TEC: variants seen among roughly 807,000 people sequenced by gnomAD.
TEC encodes tec protein tyrosine kinase.
In TEC, 72 loss-of-function variants were observed where a neutral mutation model predicts 93.0. That is an observed-to-expected ratio of 0.77 (90% confidence interval 0.64 to 0.94). TEC has a LOEUF of 0.94. Among genes scored for constraint, TEC ranks in the 40% least tolerant of loss-of-function variants. TEC has a pLI of 0.00. For missense variants in TEC, 630 were observed against 757.9 expected (o/e 0.83, Z 1.98); for synonymous variants, 249 against 247.7 (o/e 1.01, Z -0.05).
intron 1 of TEC, among the ~76,000 whole-genome samples, chr4:48,267,839 G>A (rs1724679666): frequency 6.6e-6 from 1 of 152,188 alleles, no homozygotes; most frequent in Non-Finnish European, 1.5e-5. Context: ...GGAGGGGTGG[G>A]GTGGAAGCTA....
At chr4:48,252,773 T>C (rs1477464177) in intron 1 of TEC, among the ~76,000 whole-genome samples, 1 of 152,224 alleles carries the variant, frequency 6.6e-6, no homozygotes, top group Admixed American at 6.5e-5. Flanking sequence ...TGTGGGATGA[T>C]AACATGTGCT....
At chr4:48,267,510 T>C (rs769154050) in intron 1 of TEC, among the ~76,000 whole-genome samples, 16 of 152,236 alleles carry the variant, frequency 1.1e-4, no homozygotes, top group Non-Finnish European at 1.9e-4. Flanking sequence ...TCGTACAGGA[T>C]AATTTTACAA....
At chr4:48,210,063 A>G (rs951073699) in intron 2 of TEC, among the ~76,000 whole-genome samples, 65 of 152,196 alleles carry the variant, frequency 4.3e-4, no homozygotes, top group Non-Finnish European at 1.3e-4. Flanking sequence ...ATAAAACTAA[A>G]ATGCAAAATC....
chr4:48,152,413 G>T (rs868579592), intron 9 of TEC, among the ~76,000 whole-genome samples: 2 of 151,718 alleles, frequency 1.3e-5, no homozygotes, highest in Admixed American at 1.3e-4. Flanking sequence ...ACTCCAGCCT[G>T]GGAGACAGAG....
intron 14 of TEC, chr4:48,141,636 G>C (rs1577692753): frequency 2.0e-6 from 1 of 489,286 alleles, no homozygotes; most frequent in East Asian, 3.3e-5. Context: ...TTTGCAATAA[G>C]GCATTATTAC....
At chr4:48,235,200 G>GA (rs1287726224) in intron 1 of TEC, among the ~76,000 whole-genome samples, 1 of 152,112 alleles carries the variant, frequency 6.6e-6, no homozygotes, top group South Asian at 2.1e-4. Context: ...TTTCAGGGGG[G>GA]AAAATGGTCT....
In TEC at chr4:48,222,352, T is replaced by G. The variant is rs1160153227; in HGVS notation, c.138+6125A>C. On this transcript the variant is annotated intron_variant, in intron 2 of 17. Transcript: ENST00000381501. ...TTTTAACTTGATCCTAGAGAAGCTA[T>G]GCATTTTGCAGATGAAAGATGAAGA... Among the ~76,000 whole-genome samples, 33 of 152,224 alleles carry G rather than the reference T, an allele frequency of 2.2e-4. 1 individual carries two copies. The highest frequency in any genetic ancestry group is 2.0e-3 in the Admixed American group (31 of 15,284).
intron 4 of TEC, 145 bp downstream of exon 4, chr4:48,171,223 A>C: frequency 1.5e-6 from 1 of 662,918 alleles, no homozygotes; most frequent in Non-Finnish European, 2.5e-6. Context: ...TATAACTTAC[A>C]ACAACAGCAT....
chr4:48,168,705 G>C lies in TEC; in HGVS notation c.455-79C>G, dbSNP rs1397240353. ...AAAAATAAGATATGGGTAGTTTTAAGGAAAAGTGGAAGTTAACACATAGAC... is the reference window on the plus strand; with the variant it reads ...AAAAATAAGATATGGGTAGTTTTAACGAAAAGTGGAAGTTAACACATAGAC... On this transcript the variant is annotated intron_variant, in intron 5 of 17. Coordinates refer to ENST00000381501, the MANE Select transcript of TEC (RefSeq NM_003215.3). The C allele has an allele frequency of 4.7e-6, 7 of 1,480,218 alleles. No individual in the cohort carries two copies. The East Asian group carries it at 1.2e-4, about 24-fold the overall frequency. The allele number at this position is 1,480,218 out of a possible 1,614,324, so 91.7% of individuals were successfully genotyped here.
chr4:48,228,702 T>C, intron 1 of TEC, 43 bp from the exon 2 acceptor site: 1 of 1,488,558 alleles, frequency 6.7e-7, no homozygotes. Context: ...CAGTTTAATT[T>C]TCTATGGATG....
intron 1 of TEC, among the ~76,000 whole-genome samples, chr4:48,251,957 G>A (rs942309244): frequency 1.2e-4 from 18 of 152,090 alleles, no homozygotes; most frequent in African/African-American, 3.9e-4. Flanking sequence ...TTACAAAGAC[G>A]AAGAAGCAAG....
At chr4:48,217,956 GA>G (rs35176630) in intron 2 of TEC, among the ~76,000 whole-genome samples, 27,038 of 134,340 alleles carry the variant, frequency 0.2, 2,799 homozygotes, top group Middle Eastern at 0.27. Context: ...GCTTCCTAGA[GA>G]AAAAAAAAAA....
rs145358315 is a variant in TEC at position 48,139,018 on chromosome 4, C to T, written c.1540G>A (p.Val514Ile). 3.7e-6 allele frequency: 6 copies of T among 1,613,070 alleles called. No individual in the cohort carries two copies. In the African/African-American group the frequency reaches 8.0e-5, roughly 21 times the overall value. The change falls in exon 16 of 18, where the codon GTT (valine) becomes ATT (isoleucine). Residue 514 changes from valine (V) to isoleucine (I), a missense_variant. Val to Ile is a conservative substitution (Grantham distance 29). Coordinates refer to ENST00000381501, the MANE Select transcript of TEC (RefSeq NM_003215.3). ...KVSDFGMARY[V>I]LDDQYTSSSG... is the part of the protein sequence containing the mutation. ...GAACTTGTGTACTGATCATCCAGAA[C>T]ATACCTAGAGTAAGACACACCATGG... is the stretch of plus-strand genomic sequence containing the variant.
At chr4:48,237,278 C>G (rs1177592395) in intron 1 of TEC, among the ~76,000 whole-genome samples, 1 of 147,914 alleles carries the variant, frequency 6.8e-6, no homozygotes, top group South Asian at 2.1e-4. Flanking sequence ...CAAGATCGTG[C>G]GACTGCACTT....
At chr4:48,178,237 T>G (rs544465553) in intron 2 of TEC, among the ~76,000 whole-genome samples, 7 of 152,148 alleles carry the variant, frequency 4.6e-5, no homozygotes, top group Admixed American at 3.3e-4. Context: ...AACTACAAAC[T>G]TCCCATTCCC....
At chr4:48,252,172 G>C (rs1724221032) in intron 1 of TEC, among the ~76,000 whole-genome samples, 1 of 152,176 alleles carries the variant, frequency 6.6e-6, no homozygotes, top group Non-Finnish European at 1.5e-5. Flanking sequence ...TTATAAAATA[G>C]GGTAATAATT....
intron 3 of TEC, among the ~76,000 whole-genome samples, chr4:48,172,679 A>G (rs887941581): frequency 3.9e-5 from 6 of 152,250 alleles, no homozygotes; most frequent in African/African-American, 7.2e-5. Flanking sequence ...CTGGAACTGC[A>G]TAAGACACAA....
At chr4:48,164,472 A>T (rs1374097815) in intron 7 of TEC, among the ~76,000 whole-genome samples, 2 of 152,208 alleles carry the variant, frequency 1.3e-5, no homozygotes, top group Admixed American at 1.3e-4. Flanking sequence ...AAGAAAACAG[A>T]TATACATATA....
At chr4:48,170,957 A>G (rs957095410) in intron 4 of TEC, among the ~76,000 whole-genome samples, 10 of 152,150 alleles carry the variant, frequency 6.6e-5, no homozygotes, top group Non-Finnish European at 7.3e-5. Flanking sequence ...AGGCTGAGGC[A>G]GGAGAATCGC....
Sources: allele counts gnomAD v4.1 joint callset (sites outside exome capture counted in the v4.1 genomes callset), GRCh38; gene constraint gnomAD v4.1.1; transcripts MANE v1.5; gene names NCBI Gene and HGNC (gene_info 2026-07-23, HGNC 2026-07-21).